Variants in ABRAXAS2 observed in about 807,000 individuals in gnomAD.
The protein encoded by ABRAXAS2 is abraxas 2, BRISC complex subunit.
A neutral mutation model predicts 49.0 loss-of-function variants in ABRAXAS2; 23 were observed. That is an observed-to-expected ratio of 0.47 (90% CI 0.34 to 0.66). The LOEUF (loss-of-function observed/expected upper bound fraction) is 0.66. ABRAXAS2 is among the 30% of genes least tolerant of loss of function. The pLI is 0.01. For missense variants in ABRAXAS2, 443 were observed against 511.9 expected (o/e 0.87, Z 1.30); for synonymous variants, 168 against 180.2 (o/e 0.93, Z 0.54).
At chr10:124,827,594 A>G (rs1031058227) in intron 5 of ABRAXAS2, among the ~76,000 whole-genome samples, 1 of 152,212 alleles carries the variant, frequency 6.6e-6, no homozygotes, top group Non-Finnish European at 1.5e-5. Flanking sequence ...ATAGCTGGAA[A>G]TCATCATTTG....
chr10:124,821,349 G>A (rs575004481), intron 4 of ABRAXAS2, among the ~76,000 whole-genome samples: 4 of 152,168 alleles, frequency 2.6e-5, no homozygotes, highest in South Asian at 2.1e-4. Context: ...GGTGGGTCAC[G>A]AGGTCAGGAG....
At chr10:124,831,521 G>T in intron 8 of ABRAXAS2, 58 bp downstream of exon 8, 4 of 914,914 alleles carry the variant, frequency 4.4e-6, no homozygotes, top group Middle Eastern at 2.5e-4. Context: ...TTAAACATCA[G>T]ATTATACTAT....
rs944096102 is a variant in ABRAXAS2, at chr10:124,819,414, G to A, written c.231G>A (p.Glu77=). The A allele has an allele frequency of 3.7e-6, 6 of 1,614,028 alleles. No individual in the cohort carries two copies. The highest frequency in any genetic ancestry group is 4.5e-5 in the East Asian group (2 of 44,862). ...ATGACTACGCAAGCAAAGTGAATGA[G>A]GAGAGTTTGGACAGGATTCTTAAAG... ...SFYDYASKVN[E]ESLDRILKDR... is the part of the protein sequence containing the mutation. Residue 77 remains glutamate, a synonymous_variant, in exon 4 of 9, where the codon GAG becomes GAA. Transcript: ENST00000298492.
chr10:124,804,433 G>A lies in ABRAXAS2; in HGVS notation c.73-2398G>A, dbSNP rs1044735310. ...TTGCTAAATCCAGCAACCCAGTGCT[G>A]TAGAATACTAGGAATCTAGCTATGT... is the stretch of plus-strand genomic sequence containing the variant. On this transcript the variant is annotated intron_variant, in intron 1 of 8. Coordinates refer to ENST00000298492, the MANE Select transcript of ABRAXAS2 (RefSeq NM_032182.4). Among the ~76,000 whole-genome samples, 4 of 152,200 alleles carry A rather than the reference G, an allele frequency of 2.6e-5. No homozygotes were observed. The South Asian group carries it at 8.3e-4, about 31-fold the overall frequency.
intron 8 of ABRAXAS2, 134 bp from the exon 9 acceptor site, chr10:124,834,368 A>T (rs1044052537): frequency 1.5e-6 from 1 of 686,818 alleles, no homozygotes; most frequent in Non-Finnish European, 2.4e-6. Context: ...GCAATTGTAA[A>T]ATAATTAATA....
intron 8 of ABRAXAS2, among the ~76,000 whole-genome samples, chr10:124,832,841 CA>C (rs1173167684): frequency 6.7e-6 from 1 of 148,548 alleles, no homozygotes; most frequent in African/African-American, 2.5e-5. Flanking sequence ...GAGACTGTCT[CA>C]AAAAAAATAA....
intron 1 of ABRAXAS2, among the ~76,000 whole-genome samples, chr10:124,806,143 C>CAA (rs560321717): frequency 7.1e-6 from 1 of 140,274 alleles, no homozygotes; most frequent in Non-Finnish European, 1.6e-5. Context: ...TACTAAAATA[C>CAA]AAAAAAAAAA....
chr10:124,826,709 C>A lies in ABRAXAS2; in HGVS notation c.382C>A (p.Leu128Ile). The A allele has an allele frequency of 6.2e-7, 1 of 1,614,236 alleles. No homozygotes were observed. Among genetic ancestry groups the A allele is most frequent in the Non-Finnish European group, 8.5e-7 (1 of 1,180,048 alleles). ...RILGVPDLVF[L>I]LFSFISTANN... Reference sequence around the variant, plus strand: ...CCTCGGCGTGCCCGACCTCGTCTTTCTTCTCTTCAGCTTCATCTCCACTGC... The same window carrying A: ...CCTCGGCGTGCCCGACCTCGTCTTTATTCTCTTCAGCTTCATCTCCACTGC... The change falls in exon 5 of 9, where the codon CTT becomes ATT. Residue 128 changes from leucine (L) to isoleucine (I), a missense_variant. Transcript: ENST00000298492.
At chr10:124,810,394 T>G (rs1332187441) in intron 2 of ABRAXAS2, among the ~76,000 whole-genome samples, 1 of 152,066 alleles carries the variant, frequency 6.6e-6, no homozygotes, top group Admixed American at 6.6e-5. Context: ...AGGCGTGGTG[T>G]TGTGCTTCTG....
chr10:124,801,868 G>C lies in ABRAXAS2; in HGVS notation c.39G>C (p.Val13=), dbSNP rs1173937468. ...TTTCGGGCTACACCTTCAGTGCTGT[G>C]TGTTTCCACAGCGCCAACAGCAACG... The part of the protein sequence containing the change: ...ASISGYTFSA[V]CFHSANSNAD... Residue 13 remains valine, a synonymous_variant, in exon 1 of 9, where the codon GTG becomes GTC. Transcript: ENST00000298492. 5 of 1,613,274 alleles carry C rather than the reference G, an allele frequency of 3.1e-6. No individual in the cohort carries two copies. Among genetic ancestry groups the C allele is most frequent in the Non-Finnish European group, 4.2e-6 (5 of 1,179,852 alleles).
chr10:124,819,169 T>G (rs1950844746), intron 3 of ABRAXAS2, among the ~76,000 whole-genome samples: 1 of 152,216 alleles, frequency 6.6e-6, no homozygotes, highest in African/African-American at 2.4e-5. Flanking sequence ...GGAAGTAATA[T>G]CTTTTGAATG....
intron 8 of ABRAXAS2, among the ~76,000 whole-genome samples, chr10:124,833,320 C>T (rs1950947408): frequency 7.4e-6 from 1 of 135,532 alleles, no homozygotes; most frequent in South Asian, 2.3e-4. Context: ...AAAAAAAAAG[C>T]CAGGCATGGT....
chr10:124,834,794 C>A lies in ABRAXAS2; in HGVS notation c.1071C>A (p.Asp357Glu), dbSNP rs1389587646. 6.8e-6 allele frequency: 11 copies of A among 1,613,986 alleles called. No individual in the cohort carries two copies. The East Asian group carries it at 2.4e-4, about 36-fold the overall frequency. The change falls in exon 9 of 9, where the codon GAC (aspartate) becomes GAA (glutamate). Residue 357 changes from aspartate (D) to glutamate (E), a missense_variant. Around this residue, in one of 3 missense-constraint regions of ABRAXAS2, gnomAD observed 230 missense variants for 237.0 expected, o/e 0.97. Transcript: ENST00000298492. ...TGAAGTATCCTGGAAGTGGGGCTGA[C>A]CTTCCTCCTCCCCAAAGAGCAGCTG... ...AGLKYPGSGA[D>E]LPPPQRAAGD...
intron 5 of ABRAXAS2, among the ~76,000 whole-genome samples, chr10:124,827,618 C>T (rs560588242): frequency 2.0e-5 from 3 of 151,736 alleles, no homozygotes; most frequent in African/African-American, 4.8e-5. Context: ...CTCCATAATC[C>T]ACTATGTGGA....
intron 5 of ABRAXAS2, among the ~76,000 whole-genome samples, chr10:124,828,482 A>G (rs1315804988): frequency 6.6e-6 from 1 of 152,040 alleles, no homozygotes; most frequent in East Asian, 1.9e-4. Context: ...CTCCTGCCTC[A>G]GCCTCCCGAG....
intron 4 of ABRAXAS2, among the ~76,000 whole-genome samples, chr10:124,822,392 G>C (rs1438591587): frequency 6.6e-6 from 1 of 152,208 alleles, no homozygotes; most frequent in Non-Finnish European, 1.5e-5. Context: ...TTGGGAAAGG[G>C]AGTGAATAAA....
chr10:124,811,510 G>A (rs1356801156), intron 2 of ABRAXAS2, among the ~76,000 whole-genome samples: 2 of 151,948 alleles, frequency 1.3e-5, no homozygotes, highest in South Asian at 4.2e-4. Flanking sequence ...GGCAGATCAC[G>A]AGGTCAGGAG....
rs534799772 is a variant in ABRAXAS2 at position 124,816,672 on chromosome 10, T to G, written c.200+60T>G. On this transcript the variant is annotated intron_variant, in intron 3 of 8. Transcript: ENST00000298492. ...AGGATTGATTGATAAAAAAAACTAG[T>G]GAATTTTGGCCTGTAGCTGATTGTG... 33 of 1,295,888 alleles carry G rather than the reference T, an allele frequency of 2.5e-5. No homozygotes were observed. The South Asian group carries it at 3.4e-4, about 13-fold the overall frequency. The allele number at this position is 1,295,888 out of a possible 1,614,324, so 80.3% of individuals were successfully genotyped here.
In ABRAXAS2 at chr10:124,801,863, G is replaced by C; in HGVS notation, c.34G>C (p.Ala12Pro). Reference sequence around the variant, plus strand: ...GTCCATTTCGGGCTACACCTTCAGTGCTGTGTGTTTCCACAGCGCCAACAG... The same window carrying C: ...GTCCATTTCGGGCTACACCTTCAGTCCTGTGTGTTTCCACAGCGCCAACAG... ...AASISGYTFS[A>P]VCFHSANSNA... Residue 12 changes from alanine to proline, a missense_variant, in exon 1 of 9, where the codon GCT (alanine) becomes CCT (proline). Ala to Pro is a conservative substitution (Grantham distance 27, BLOSUM62 -1). Around this residue, in one of 3 missense-constraint regions of ABRAXAS2, gnomAD observed 47 missense variants for 27.6 expected, o/e 1.70. Coordinates refer to ENST00000298492, the MANE Select transcript of ABRAXAS2 (RefSeq NM_032182.4). The C allele has an allele frequency of 6.2e-7, 1 of 1,613,444 alleles. No individual in the cohort carries two copies. Among genetic ancestry groups the C allele is most frequent in the Non-Finnish European group, 8.5e-7 (1 of 1,179,830 alleles).
Sources: gnomAD v4.1 joint callset for allele counts (sites outside exome capture counted in the v4.1 genomes callset) on GRCh38, gnomAD v4.1.1 for gene constraint, gnomAD v4.1.1 regional missense constraint, MANE v1.5 for transcripts, NCBI Gene and HGNC (gene_info 2026-07-23, HGNC 2026-07-21) for gene names.